Variants in DNAJC14 observed in about 807,000 individuals in gnomAD.
DNAJC14 encodes the protein DnaJ heat shock protein family (Hsp40) member C14.
Under a neutral mutation model 68.8 loss-of-function variants are expected in DNAJC14, and 12 were observed. The ratio of observed to expected loss-of-function variants is 0.17; its 90% CI spans 0.11 to 0.28. The LOEUF (loss-of-function observed/expected upper bound fraction) is 0.28, where lower values mean the gene tolerates loss of function less well. Ranked by LOEUF, DNAJC14 falls within the 10% of genes least tolerant of loss-of-function variation. The probability of loss-of-function intolerance (pLI) is 1.00; values close to 1 mark genes in which losing one functional copy is unlikely to be tolerated. For synonymous variants in DNAJC14, 350 were observed against 321.5 expected (o/e 1.09, Z -0.95); for missense variants, 764 against 875.6 (o/e 0.87, Z 1.61).
chr12:55,822,111 G>T lies in DNAJC14; in HGVS notation c.1975C>A (p.Pro659Thr). 6.2e-7 allele frequency: 1 copy of T among 1,613,608 alleles called. No individual in the cohort carries two copies. The highest frequency in any genetic ancestry group is 8.5e-7 in the Non-Finnish European group (1 of 1,179,848). The stretch of plus-strand genomic sequence containing the variant: ...GGAGCTGCAAAGAAGTTCCCATTGG[G>T]CATCTGCCCTGGGGGTACTTGAAAG... ...RIFQVPPGQMPNGNFFAAPQP... is the reference protein window; with the variant it reads ...RIFQVPPGQMTNGNFFAAPQP... Residue 659 changes from proline (P) to threonine (T), a missense_variant, in exon 7 of 7, where the codon CCC (proline) becomes ACC (threonine). Physicochemically the swap from Pro to Thr is conservative, Grantham distance 38 (BLOSUM62 -1). Around this residue, in one of 4 missense-constraint regions of DNAJC14, gnomAD observed 134 missense variants for 162.3 expected, o/e 0.83. Coordinates refer to ENST00000678005, the MANE Select transcript of DNAJC14 (RefSeq NM_032364.6).
intron 2 of DNAJC14, among the ~76,000 whole-genome samples, chr12:55,826,007 C>G (rs1034876906): frequency 3.9e-5 from 6 of 152,254 alleles, no homozygotes; most frequent in African/African-American, 1.4e-4. Flanking sequence ...CCTGACCCTC[C>G]CATACTAGGT....
chr12:55,829,513 C>G lies in DNAJC14; in HGVS notation c.-81G>C. The G allele has an allele frequency of 4.1e-6, 4 of 985,440 alleles. No homozygotes were observed. Among genetic ancestry groups the G allele is most frequent in the African/African-American group, 1.7e-5 (1 of 57,360 alleles). The allele number at this position is 985,440 out of a possible 1,614,324, so 61.0% of individuals were successfully genotyped here. A position where few individuals can be genotyped will look rare whatever the true frequency, so the allele number is the denominator to read the frequency against. On this transcript the variant is annotated 5_prime_UTR_variant, in exon 1 of 7. Coordinates refer to ENST00000678005, the MANE Select transcript of DNAJC14 (RefSeq NM_032364.6). ...CCGAAGAACGGCGGTAACTCCTCCCCCTCGAGCCGCCCGGCCTGGGGCCAG... is the reference window on the plus strand; with the variant it reads ...CCGAAGAACGGCGGTAACTCCTCCCGCTCGAGCCGCCCGGCCTGGGGCCAG...
rs368369913 is a variant in DNAJC14 at position 55,828,529 on chromosome 12, C to G, written c.130G>C (p.Gly44Arg). ...CAGCGGGTACCATTAGGAGCAGTCC[C>G]TGCTGAGTCCCTGAGTCCTGAGAAT... ...PSFSGLRDSAGTAPNGTRCLT... is the reference protein window; with the variant it reads ...PSFSGLRDSARTAPNGTRCLT... Residue 44 changes from glycine (G) to arginine (R), a missense_variant, in exon 2 of 7, where the codon GGG (glycine) becomes CGG (arginine). This residue lies in a region of DNAJC14 where 514 missense variants were observed against 521.7 expected (regional missense o/e 0.99). Coordinates refer to ENST00000678005, the MANE Select transcript of DNAJC14 (RefSeq NM_032364.6). 52 of 1,614,036 alleles carry G rather than the reference C, an allele frequency of 3.2e-5. No homozygotes were observed. The African/African-American group carries it at 5.9e-4, about 18-fold the overall frequency.
chr12:55,827,676 C>A lies in DNAJC14; in HGVS notation c.983G>T (p.Gly328Val), dbSNP rs993748252. 8 of 1,613,910 alleles carry A rather than the reference C, an allele frequency of 5.0e-6. No individual in the cohort carries two copies. Among genetic ancestry groups the A allele is most frequent in the Non-Finnish European group, 5.9e-6 (7 of 1,179,984 alleles). The change falls in exon 2 of 7, where the codon GGT becomes GTT. Residue 328 changes from glycine (G) to valine (V), a missense_variant. This residue lies in a region of DNAJC14 where 514 missense variants were observed against 521.7 expected (regional missense o/e 0.99). Transcript: ENST00000678005. ...GGCCAGAGCCAGGAGCAGCAAAGCA[C>A]CCAGCAGCTTAAGAAAACGAGTAAA... ...GLFTRFLKLL[G>V]ALLLLALALF...
Position 55,827,247 on chromosome 12 carries a change from C to G in DNAJC14, c.1407+5G>C. On this transcript the variant is annotated splice_donor_5th_base_variant and intron_variant, in intron 2 of 6. Transcript: ENST00000678005. ...GAGAGAAACAGGAAACAGAAGGGTA[C>G]TCACCATCACTGCCAGCTGTCTATA... The G allele has an allele frequency of 6.8e-7, 1 of 1,461,020 alleles. No homozygotes were observed. The highest frequency in any genetic ancestry group is 9.1e-7 in the Non-Finnish European group (1 of 1,102,628). 90.5% of individuals were successfully genotyped at this position (1,461,020 alleles called of 1,614,324 possible).
chr12:55,827,706 C>T lies in DNAJC14; in HGVS notation c.953G>A (p.Gly318Glu). Residue 318 changes from glycine (G) to glutamate (E), a missense_variant, in exon 2 of 7, where the codon GGA becomes GAA. Physicochemically the swap from Gly to Glu is moderately conservative, Grantham distance 98 (BLOSUM62 -2). Transcript: ENST00000678005. Reference sequence around the variant, plus strand: ...CAGCTTAAGAAAACGAGTAAACAGTCCTACTCCACAGTAAAACCCCTGGCT... The same window carrying T: ...CAGCTTAAGAAAACGAGTAAACAGTTCTACTCCACAGTAAAACCCCTGGCT... The part of the protein sequence containing the change: ...FLSQGFYCGV[G>E]LFTRFLKLLG... 6.2e-7 allele frequency: 1 copy of T among 1,614,152 alleles called. No homozygotes were observed.
At chr12:55,823,329 C>G (rs1488129658) in intron 3 of DNAJC14, 73 bp downstream of exon 3, 1 of 1,598,202 alleles carries the variant, frequency 6.3e-7, no homozygotes, top group Non-Finnish European at 8.6e-7. Context: ...GCCTCCACCC[C>G]CAAGTCCAGA....
chr12:55,825,518 T>C (rs2136218643), intron 2 of DNAJC14, among the ~76,000 whole-genome samples: 2 of 151,386 alleles, frequency 1.3e-5, no homozygotes, highest in Middle Eastern at 6.8e-3. Flanking sequence ...ATAAGGTGCA[T>C]GACAACTCCC....
rs1880698025 is a variant in DNAJC14 at position 55,822,581 on chromosome 12, C to T, written c.1786G>A (p.Asp596Asn). The change falls in exon 5 of 7, where the codon GAC becomes AAC. Residue 596 changes from aspartate (D) to asparagine (N), a missense_variant. Physicochemically the swap from Asp to Asn is conservative, Grantham distance 23. Coordinates refer to ENST00000678005, the MANE Select transcript of DNAJC14 (RefSeq NM_032364.6). ...YFALMDGKVY[D>N]ITEWAGCQRV... ...AGAGGACAGAGAGTACCTGTGATGT[C>T]ATACACCTTTCCATCCATCAGTGCA... is the stretch of plus-strand genomic sequence containing the variant. 1 of 1,614,234 alleles carries T rather than the reference C, an allele frequency of 6.2e-7. No homozygotes were observed. Among genetic ancestry groups the T allele is most frequent in the Non-Finnish European group, 8.5e-7 (1 of 1,180,038 alleles).
At chr12:55,826,861 C>T (rs2136219942) in intron 2 of DNAJC14, among the ~76,000 whole-genome samples, 1 of 151,826 alleles carries the variant, frequency 6.6e-6, no homozygotes, top group Non-Finnish European at 1.5e-5. Context: ...ACTCTGCCTT[C>T]CCTTTATTCC....
chr12:55,821,726 G>A lies in DNAJC14; in HGVS notation c.*251C>T, dbSNP rs1880670773. The A allele has an allele frequency of 3.5e-6, 1 of 287,848 alleles. No homozygotes were observed. Among genetic ancestry groups the A allele is most frequent in the Non-Finnish European group, 6.4e-6 (1 of 155,874 alleles). 17.8% of individuals were successfully genotyped at this position (287,848 alleles called of 1,614,324 possible). On this transcript the variant is annotated 3_prime_UTR_variant, in exon 7 of 7. Coordinates refer to ENST00000678005, the MANE Select transcript of DNAJC14 (RefSeq NM_032364.6). ...AATTAGCTGGGCCAGGTGTGGTGGT[G>A]TGTGCCTGTAATCCCAGCTACTCAG...
chr12:55,828,662 C>T lies in DNAJC14; in HGVS notation c.-4G>A. On this transcript the variant is annotated 5_prime_UTR_variant, in exon 2 of 7. Transcript: ENST00000678005. ...CTCCGGGGTGCTTCTGGGCCATGAC[C>T]CCGGGGCTTCCTGAGGGTCTTAGGT... The T allele has an allele frequency of 6.2e-7, 1 of 1,608,904 alleles. No homozygotes were observed. Among genetic ancestry groups the T allele is most frequent in the Non-Finnish European group, 8.5e-7 (1 of 1,176,788 alleles).
In DNAJC14 at chr12:55,827,728, G is replaced by C; in HGVS notation, c.931C>G (p.Gln311Glu). ...WAQVMFQFLS[Q>E]GFYCGVGLFT... ...AGTCCTACTCCACAGTAAAACCCCT[G>C]GCTTAGAAACTGAAACATGACCTGG... The change falls in exon 2 of 7, where the codon CAG becomes GAG. Residue 311 changes from glutamine to glutamate, a missense_variant. Coordinates refer to ENST00000678005, the MANE Select transcript of DNAJC14 (RefSeq NM_032364.6). The C allele has an allele frequency of 6.2e-7, 1 of 1,614,086 alleles. No homozygotes were observed. Among genetic ancestry groups the C allele is most frequent in the Non-Finnish European group, 8.5e-7 (1 of 1,180,000 alleles).
chr12:55,823,378 G>C, intron 3 of DNAJC14, 24 bp downstream of exon 3: 2 of 1,611,882 alleles, frequency 1.2e-6, no homozygotes, highest in African/African-American at 1.3e-5. Flanking sequence ...ACCATTATCT[G>C]ATGATTTCCC....
At chr12:55,823,662 T>C (rs189990695) in intron 2 of DNAJC14, among the ~76,000 whole-genome samples, 154 bp from the exon 3 acceptor site, 13 of 152,154 alleles carry the variant, frequency 8.5e-5, no homozygotes, top group African/African-American at 2.9e-4. Context: ...CTGGTTCAAT[T>C]CATGGCTCTG....
Position 55,828,189 on chromosome 12 carries a change from C to A in DNAJC14, c.470G>T (p.Cys157Phe). Residue 157 changes from cysteine (C) to phenylalanine (F), a missense_variant, in exon 2 of 7, where the codon TGT (cysteine) becomes TTT (phenylalanine). Transcript: ENST00000678005. ...NGSSSNFCHH[C>F]TSPALGEDEL... ...ATCTTCCCCCAAAGCTGGAGAGGTA[C>A]AGTGGTGGCAAAAGTTGCTAGAAGA... The A allele has an allele frequency of 1.2e-6, 2 of 1,612,230 alleles. No homozygotes were observed. Among genetic ancestry groups the A allele is most frequent in the Non-Finnish European group, 1.7e-6 (2 of 1,179,288 alleles).
chr12:55,825,774 G>A (rs890033887), intron 2 of DNAJC14, among the ~76,000 whole-genome samples: 3 of 151,792 alleles, frequency 2.0e-5, no homozygotes, highest in East Asian at 1.9e-4. Context: ...TCGATCTCCT[G>A]ACCTTGTGAT....
In DNAJC14 at chr12:55,828,098, G is replaced by C. The variant is rs748085515; in HGVS notation, c.561C>G (p.Ser187=). The C allele has an allele frequency of 6.2e-7, 1 of 1,601,742 alleles. No homozygotes were observed. The highest frequency in any genetic ancestry group is 1.1e-5 in the South Asian group (1 of 89,144). ...TCCGGGATGGGGGTTTCTTTCCGCT[G>C]GACACACGTGAAAAATCACTGGGGA... ...LKFPSDFSRV[S]SGKKPPSRRQ... Residue 187 remains serine (S), a synonymous_variant, in exon 2 of 7, where the codon TCC becomes TCG. Transcript: ENST00000678005.
In DNAJC14 at chr12:55,827,935, C is replaced by T. The variant is rs746111800; in HGVS notation, c.724G>A (p.Glu242Lys). 11 of 1,606,342 alleles carry T rather than the reference C, an allele frequency of 6.8e-6. No homozygotes were observed. Among genetic ancestry groups the T allele is most frequent in the East Asian group, 4.5e-5 (2 of 44,730 alleles). ...GCCTGTCCAAGTTGACATAGTTCCT[C>T]GGCTCCCCACAATCCCAGGCCTTTG... Reference protein sequence around the residue: ...KRKGLGLWGAEELCQLGQAGF... With the variant: ...KRKGLGLWGAKELCQLGQAGF... The change falls in exon 2 of 7, where the codon GAG (glutamate) becomes AAG (lysine). Residue 242 changes from glutamate to lysine, a missense_variant. Physicochemically the swap from Glu to Lys is moderately conservative, Grantham distance 56. Around this residue, in one of 4 missense-constraint regions of DNAJC14, gnomAD observed 514 missense variants for 521.7 expected, o/e 0.99. Coordinates refer to ENST00000678005, the MANE Select transcript of DNAJC14 (RefSeq NM_032364.6).
Sources: allele counts gnomAD v4.1 joint callset (sites outside exome capture counted in the v4.1 genomes callset), GRCh38; gene constraint gnomAD v4.1.1; regional missense constraint gnomAD v4.1.1; transcripts MANE v1.5; gene names NCBI Gene and HGNC (gene_info 2026-07-23, HGNC 2026-07-21).